The following ASPRV1 variants were observed in gnomAD, a reference collection of about 807,000 sequenced individuals.
ASPRV1 encodes aspartic peptidase retroviral like 1, also known as retroviral-like aspartic protease 1.
ASPRV1 carries 7 observed loss-of-function variants against 11.0 expected under a neutral mutation model. The ratio of observed to expected loss-of-function variants is 0.64; its 90% CI spans 0.36 to 1.20. The LOEUF (loss-of-function observed/expected upper bound fraction) is 1.20. Ranked by LOEUF, ASPRV1 falls within the 50% of genes most tolerant of loss-of-function variation. The pLI is 0.02. For missense variants in ASPRV1, 299 were observed against 320.0 expected (o/e 0.93, Z 0.50); for synonymous variants, 136 against 138.4 (o/e 0.98, Z 0.12).
the ASPRV1 span, among the ~76,000 whole-genome samples, chr2:70,029,653 C>CAA: frequency 1.3e-5 from 2 of 152,106 alleles, no homozygotes; most frequent in Non-Finnish European, 2.9e-5. Flanking sequence ...CAAAACAAAA[C>CAA]AAAATAGGAG....
chr2:70,001,704 G>A, the ASPRV1 span, among the ~76,000 whole-genome samples: 3 of 152,082 alleles, frequency 2.0e-5, no homozygotes, highest in Non-Finnish European at 4.4e-5. Flanking sequence ...AGGTTGCAGT[G>A]AGCCAAGATC....
At chr2:70,068,306 G>A in the ASPRV1 span, among the ~76,000 whole-genome samples, 2 of 152,224 alleles carry the variant, frequency 1.3e-5, no homozygotes, top group East Asian at 1.9e-4. Flanking sequence ...TGAGGAATGG[G>A]GCTGAAGTAC....
At chr2:69,948,982 T>C in the ASPRV1 span, among the ~76,000 whole-genome samples, 1 of 152,080 alleles carries the variant, frequency 6.6e-6, no homozygotes. Flanking sequence ...GGACTGCGCT[T>C]CACTCAGGTC....
chr2:69,947,838 C>T, the ASPRV1 span, among the ~76,000 whole-genome samples: 55 of 151,946 alleles, frequency 3.6e-4, no homozygotes, highest in East Asian at 9.9e-3. Context: ...GGAAATAATC[C>T]CTCCTGTCTA....
the ASPRV1 span, among the ~76,000 whole-genome samples, chr2:69,952,775 C>T: frequency 2.0e-5 from 3 of 152,116 alleles, no homozygotes; most frequent in Non-Finnish European, 2.9e-5. Context: ...CCCCCCATCC[C>T]CTATCCCCTG....
chr2:69,948,102 G>A, the ASPRV1 span, among the ~76,000 whole-genome samples: 102 of 141,724 alleles, frequency 7.2e-4, 2 homozygotes, highest in South Asian at 0.022. Flanking sequence ...AAAAAAATTA[G>A]CCGAGGTAGT....
the ASPRV1 span, among the ~76,000 whole-genome samples, chr2:70,084,941 T>C: frequency 6.6e-6 from 1 of 152,190 alleles, no homozygotes; most frequent in African/African-American, 2.4e-5. Flanking sequence ...GTAACATAAG[T>C]TAAAGGCAAA....
At chr2:69,964,387 T>G (rs941026234), upstream of ASPRV1, 1 of 450,992 alleles carries the variant, frequency 2.2e-6, no homozygotes. Flanking sequence ...CTGGAAGGAG[T>G]TGGCATCAGC....
chr2:69,942,745 TTC>T, the ASPRV1 span: 1 of 152,340 alleles, frequency 6.6e-6, no homozygotes, highest in East Asian at 1.9e-4. Context: ...GGGTATGCTA[TTC>T]TGTTTCCAGA....
At chr2:70,025,917 A>G in the ASPRV1 span, among the ~76,000 whole-genome samples, 3 of 152,216 alleles carry the variant, frequency 2.0e-5, no homozygotes, top group African/African-American at 7.2e-5. Flanking sequence ...GCTCCTTACC[A>G]AAGTCAGCCT....
the ASPRV1 span, among the ~76,000 whole-genome samples, chr2:69,966,907 C>A: frequency 1.1e-4 from 16 of 152,106 alleles, no homozygotes; most frequent in Non-Finnish European, 2.1e-4. Flanking sequence ...TTCCCTCTGG[C>A]ATGTCAAAGT....
the ASPRV1 span, among the ~76,000 whole-genome samples, chr2:69,932,877 A>C: frequency 6.6e-6 from 1 of 152,208 alleles, no homozygotes; most frequent in South Asian, 2.1e-4. Flanking sequence ...GCTGGCTGAA[A>C]AATATCTAAA....
the ASPRV1 span, among the ~76,000 whole-genome samples, chr2:69,949,489 G>C: frequency 2.6e-5 from 4 of 152,016 alleles, no homozygotes; most frequent in Non-Finnish European, 5.9e-5. Flanking sequence ...AAAATACCCG[G>C]GTTTTGGAAA....
chr2:70,008,626 T>C, the ASPRV1 span, among the ~76,000 whole-genome samples: 1 of 151,754 alleles, frequency 6.6e-6, no homozygotes, highest in Non-Finnish European at 1.5e-5. Flanking sequence ...CATTATGAAA[T>C]GTTTTTGTGT....
At chr2:70,043,759 G>C in the ASPRV1 span, among the ~76,000 whole-genome samples, 2 of 152,184 alleles carry the variant, frequency 1.3e-5, no homozygotes, top group African/African-American at 2.4e-5. Context: ...GACAGTCTTT[G>C]TCTCAGTACA....
At chr2:70,026,374 GA>G in the ASPRV1 span, among the ~76,000 whole-genome samples, 537 of 130,072 alleles carry the variant, frequency 4.1e-3, 1 homozygote, top group Middle Eastern at 0.012. Context: ...AGAGCAATCA[GA>G]AAAAAAAAAA....
chr2:70,077,847 C>T, the ASPRV1 span, among the ~76,000 whole-genome samples: 1 of 149,238 alleles, frequency 6.7e-6, no homozygotes, highest in African/African-American at 2.5e-5. Flanking sequence ...AAGAGCGAAA[C>T]TCTGTCTCAA....
At chr2:70,068,663 C>T in the ASPRV1 span, among the ~76,000 whole-genome samples, 1 of 151,976 alleles carries the variant, frequency 6.6e-6, no homozygotes, top group Non-Finnish European at 1.5e-5. Flanking sequence ...GGCACAGTGG[C>T]TCATGCCTGT....
chr2:70,040,108 G>A, the ASPRV1 span, among the ~76,000 whole-genome samples: 1 of 152,200 alleles, frequency 6.6e-6, no homozygotes, highest in Admixed American at 6.5e-5. Context: ...AAACTCAGAA[G>A]AGAGAAAAAT....
Sources: allele counts gnomAD v4.1 joint callset (sites outside exome capture counted in the v4.1 genomes callset), GRCh38; gene constraint gnomAD v4.1.1; transcripts MANE v1.5; gene names NCBI Gene and HGNC (gene_info 2026-07-23, HGNC 2026-07-21).